Variants in M1AP observed in about 807,000 individuals in gnomAD.
M1AP encodes the protein meiosis 1 arrest protein.
Under a neutral mutation model 51.2 loss-of-function variants are expected in M1AP, and 39 were observed. The ratio of observed to expected loss-of-function variants is 0.76; its 90% CI spans 0.59 to 1.00. The LOEUF (loss-of-function observed/expected upper bound fraction) is 1.00, where lower values mean the gene tolerates loss of function less well. Among genes scored for constraint, M1AP ranks in the 50% least tolerant of loss-of-function variants. The pLI is 0.00. For missense variants in M1AP, 545 were observed against 641.2 expected, an observed-to-expected ratio of 0.85 and a Z score of 1.62; for synonymous variants, 251 against 249.2, an observed-to-expected ratio of 1.01 and a Z score of -0.07.
chr2:74,640,328 C>A lies in M1AP; in HGVS notation c.-52-1G>T. On this transcript the variant is annotated splice_acceptor_variant, in intron 1 of 10. Transcript: ENST00000421985. LOFTEE classifies it low-confidence loss of function (5UTR_SPLICE). ...GCCACCAGCTGGATATTCTTTACAC[C>A]TATAGGGAAGGAAAGAGAAACCACT... 2 of 1,589,010 alleles carry A rather than the reference C, an allele frequency of 1.3e-6. No individual in the cohort carries two copies. Among genetic ancestry groups the A allele is most frequent in the Admixed American group, 1.8e-5 (1 of 55,472 alleles).
In M1AP at chr2:74,562,264, G is replaced by T; in HGVS notation, c.1234C>A (p.Pro412Thr). ...TRELMLPSTF[P>T]LLPEDPHDDS... Reference sequence around the variant, plus strand: ...TCATGTGGGTCCTCAGGTAGCAGGGGGAAGGTGCTGGGCAGCATCAGTTCC... The same window carrying T: ...TCATGTGGGTCCTCAGGTAGCAGGGTGAAGGTGCTGGGCAGCATCAGTTCC... The change falls in exon 8 of 11, where the codon CCC becomes ACC. Residue 412 changes from proline (P) to threonine (T), a missense_variant. Pro to Thr is a conservative substitution (Grantham distance 38). Coordinates refer to ENST00000421985, the MANE Select transcript of M1AP (RefSeq NM_001321739.2). 6.2e-7 allele frequency: 1 copy of T among 1,614,152 alleles called. No individual in the cohort carries two copies. The highest frequency in any genetic ancestry group is 8.5e-7 in the Non-Finnish European group (1 of 1,179,988).
At position 74,560,303 on chromosome 2, in the gene M1AP, A is replaced by T; in HGVS notation, c.1282-12T>A. 1 of 1,579,710 alleles carries T rather than the reference A, an allele frequency of 6.3e-7. No individual in the cohort carries two copies. The highest frequency in any genetic ancestry group is 8.6e-7 in the Non-Finnish European group (1 of 1,164,832). ...CTGTCCAGCATGCTCTGAGGAAAAGAGAGGAGGGGCCTCACTAGGGAACTT... is the reference window on the plus strand; with the variant it reads ...CTGTCCAGCATGCTCTGAGGAAAAGTGAGGAGGGGCCTCACTAGGGAACTT... On this transcript the variant is annotated splice_polypyrimidine_tract_variant and intron_variant, in intron 8 of 10. Transcript: ENST00000421985.
chr2:74,633,017 C>T (rs906415180), intron 2 of M1AP, among the ~76,000 whole-genome samples: 5 of 152,140 alleles, frequency 3.3e-5, no homozygotes, highest in Non-Finnish European at 5.9e-5. Context: ...TTCCAGATCA[C>T]TCTCTACTTT....
intron 3 of M1AP, among the ~76,000 whole-genome samples, chr2:74,613,393 G>A (rs1028972426): frequency 3.9e-5 from 6 of 152,192 alleles, no homozygotes; most frequent in Admixed American, 3.3e-4. Context: ...CTTTAGTAAT[G>A]TGTGGTAAGG....
intron 2 of M1AP, among the ~76,000 whole-genome samples, chr2:74,636,621 A>T (rs1333073336): frequency 6.6e-6 from 1 of 152,014 alleles, no homozygotes; most frequent in East Asian, 1.9e-4. Context: ...ATTTCTTTGT[A>T]TAGGTTTTTT....
chr2:74,561,835 A>G (rs1309699267), intron 8 of M1AP: 8 of 962,792 alleles, frequency 8.3e-6, no homozygotes, highest in East Asian at 1.2e-4. Context: ...GCCTGACATC[A>G]GGTTTCCACT....
At chr2:74,633,405 T>A (rs890815135) in intron 2 of M1AP, among the ~76,000 whole-genome samples, 4 of 152,192 alleles carry the variant, frequency 2.6e-5, no homozygotes, top group African/African-American at 9.6e-5. Flanking sequence ...ATTGGGTTCC[T>A]CATCCTGCAC....
chr2:74,559,799 T>A, intron 9 of M1AP, 90 bp from the exon 10 acceptor site: 3 of 705,314 alleles, frequency 4.3e-6, no homozygotes. Context: ...TAATTTCCCA[T>A]CCCTTGGGCA....
At chr2:74,614,937 G>C in intron 3 of M1AP, 27 bp downstream of exon 3, 1 of 1,603,042 alleles carries the variant, frequency 6.2e-7, no homozygotes, top group East Asian at 2.2e-5. Context: ...AACACAGCTT[G>C]GAGTCCTAAA....
At chr2:74,586,634 T>A (rs1474726829) in intron 4 of M1AP, among the ~76,000 whole-genome samples, 1 of 152,232 alleles carries the variant, frequency 6.6e-6, no homozygotes, top group African/African-American at 2.4e-5. Flanking sequence ...TATTTTTTTT[T>A]AAAGGATTTT....
chr2:74,561,658 G>C (rs977283730), intron 8 of M1AP, among the ~76,000 whole-genome samples: 1 of 151,882 alleles, frequency 6.6e-6, no homozygotes, highest in African/African-American at 2.4e-5. Flanking sequence ...CCCTCCCAAA[G>C]TTCTGCTCTC....
At chr2:74,590,451 C>T (rs772105827) in intron 4 of M1AP, among the ~76,000 whole-genome samples, 44 of 132,410 alleles carry the variant, frequency 3.3e-4, no homozygotes, top group Admixed American at 9.2e-4. Flanking sequence ...GGGGCGGGGG[C>T]GGGATACAAC....
chr2:74,599,672 C>T (rs768728771), intron 4 of M1AP, among the ~76,000 whole-genome samples: 8 of 152,076 alleles, frequency 5.3e-5, no homozygotes, highest in Non-Finnish European at 1.0e-4. Flanking sequence ...ACCATCTAAA[C>T]ATCTGGTAAG....
intron 2 of M1AP, among the ~76,000 whole-genome samples, chr2:74,627,975 T>G (rs1278712394): frequency 6.6e-6 from 1 of 152,218 alleles, no homozygotes; most frequent in East Asian, 1.9e-4. Context: ...TCCTATGTTC[T>G]ATGGATCAAA....
chr2:74,589,542 G>T lies in M1AP; in HGVS notation c.596-7695C>A, dbSNP rs554170846. On this transcript the variant is annotated intron_variant, in intron 4 of 10. Coordinates refer to ENST00000421985, the MANE Select transcript of M1AP (RefSeq NM_001321739.2). ...GCATTTTAAAAATATTTGTTTGAAG[G>T]TGTGCCCAAGCTATCAGCTTGTGTA... Among the ~76,000 whole-genome samples the T allele has an allele frequency of 6.6e-5, 10 of 152,326 alleles. No homozygotes were observed. In the South Asian group the frequency reaches 2.1e-3, roughly 32 times the overall value.
intron 4 of M1AP, among the ~76,000 whole-genome samples, chr2:74,597,050 C>T (rs1184004700): frequency 2.0e-5 from 3 of 152,162 alleles, no homozygotes; most frequent in South Asian, 2.1e-4. Flanking sequence ...TGGGCATATA[C>T]ATCGGTCAAA....
chr2:74,640,163 C>T lies in M1AP; in HGVS notation c.113G>A (p.Cys38Tyr). 1 of 1,614,120 alleles carries T rather than the reference C, an allele frequency of 6.2e-7. No homozygotes were observed. The highest frequency in any genetic ancestry group is 8.5e-7 in the Non-Finnish European group (1 of 1,180,014). The change falls in exon 2 of 11, where the codon TGC becomes TAC. Residue 38 changes from cysteine to tyrosine, a missense_variant. Transcript: ENST00000421985. ...CTGCAGAGCCTCACAGAGGTTGGTGCAGATGTCAGCCCAGGACGGTAGAGC... is the reference window on the plus strand; with the variant it reads ...CTGCAGAGCCTCACAGAGGTTGGTGTAGATGTCAGCCCAGGACGGTAGAGC... Reference protein sequence around the residue: ...HIALPSWADICTNLCEALQNF... With the variant: ...HIALPSWADIYTNLCEALQNF...
chr2:74,575,313 C>T, intron 7 of M1AP, 125 bp downstream of exon 7: 3 of 1,491,940 alleles, frequency 2.0e-6, no homozygotes, highest in Non-Finnish European at 2.7e-6. Flanking sequence ...AGAGTATTTC[C>T]AGTTTTTTCT....
rs557339219 is a variant in M1AP, at chr2:74,638,268, G to GACCAACTTGGTCA, written c.240+1767_240+1768insTGACCAAGTTGGT. Among the ~76,000 whole-genome samples, 447 of 152,196 alleles carry GACCAACTTGGTCA rather than the reference G, an allele frequency of 2.9e-3. 1 individual carries two copies. Among genetic ancestry groups the GACCAACTTGGTCA allele is most frequent in the South Asian group, 0.017 (82 of 4,806 alleles). ...GGGGTTTTACCATGTTGGCCAGGCT[G>GACCAACTTGGTCA]GTCTTGAACTACTGACCTCAGGTGA... is the stretch of plus-strand genomic sequence containing the variant. On this transcript the variant is annotated intron_variant, in intron 2 of 10. Transcript: ENST00000421985.
Sources: allele counts gnomAD v4.1 joint callset (sites outside exome capture counted in the v4.1 genomes callset), GRCh38; gene constraint gnomAD v4.1.1; transcripts MANE v1.5; gene names NCBI Gene and HGNC (gene_info 2026-07-23, HGNC 2026-07-21).